Variants in FANCM observed in about 807,000 individuals in gnomAD.
FANCM encodes the protein Fanconi anemia group M protein.
A neutral mutation model predicts 199.5 loss-of-function variants in FANCM; 140 were observed. The observed-to-expected ratio is 0.70, with a 90% CI of 0.61 to 0.81. The LOEUF (loss-of-function observed/expected upper bound fraction) is 0.81. Among genes scored for constraint, FANCM ranks in the 30% least tolerant of loss-of-function variants. The pLI is 0.00. For missense variants in FANCM, 2,410 were observed against 2,421.4 expected, an observed-to-expected ratio of 1.00 and a Z score of 0.10; for synonymous variants, 840 against 836.8, an observed-to-expected ratio of 1.00 and a Z score of -0.07.
chr14:45,146,736 G>C (rs1886414473), intron 3 of FANCM, among the ~76,000 whole-genome samples: 1 of 151,242 alleles, frequency 6.6e-6, no homozygotes, highest in African/African-American at 2.4e-5. Flanking sequence ...GGGAGGCTGA[G>C]GCGCAAGAAT....
At chr14:45,155,724 G>C (rs1319557840) in intron 8 of FANCM, among the ~76,000 whole-genome samples, 1 of 152,178 alleles carries the variant, frequency 6.6e-6, no homozygotes, top group African/African-American at 2.4e-5. Flanking sequence ...GCTTGAACCT[G>C]GGAGGTGAAG....
Position 45,176,813 on chromosome 14 carries a change from A to G in FANCM, c.4059A>G (p.Ile1353Met). Residue 1353 changes from isoleucine (I) to methionine (M), a missense_variant, in exon 14 of 23, where the codon ATA becomes ATG. Ile to Met is a conservative substitution (Grantham distance 10, BLOSUM62 1). Coordinates refer to ENST00000267430, the MANE Select transcript of FANCM (RefSeq NM_020937.4). ...KSNTLNSFSK[I>M]RKEILKTPDS... ...ACACATTGAACTCATTTTCTAAGATAAGAAAGGAAATACTTAAGACACCAG... is the reference window on the plus strand; with the variant it reads ...ACACATTGAACTCATTTTCTAAGATGAGAAAGGAAATACTTAAGACACCAG... 1.2e-6 allele frequency: 2 copies of G among 1,606,702 alleles called. No homozygotes were observed. The highest frequency in any genetic ancestry group is 1.7e-6 in the Non-Finnish European group (2 of 1,176,480).
chr14:45,200,870 A>G lies in FANCM; in HGVS notation c.*862A>G, dbSNP rs1272779278. 6.6e-6 allele frequency: 1 copy of G among 150,422 alleles called. No individual in the cohort carries two copies. The highest frequency in any genetic ancestry group is 1.5e-5 in the Non-Finnish European group (1 of 67,972). 9.3% of individuals were successfully genotyped at this position (150,422 alleles called of 1,614,324 possible). Reference sequence around the variant, plus strand: ...CCATGCAGGACTGTGAGTCAATTAAACATCTTTTCCTTATAAATTACCCAG... The same window carrying G: ...CCATGCAGGACTGTGAGTCAATTAAGCATCTTTTCCTTATAAATTACCCAG... On this transcript the variant is annotated 3_prime_UTR_variant, in exon 23 of 23. Coordinates refer to ENST00000267430, the MANE Select transcript of FANCM (RefSeq NM_020937.4).
intron 13 of FANCM, among the ~76,000 whole-genome samples, chr14:45,174,236 A>C (rs550908865): frequency 6.6e-4 from 101 of 152,246 alleles, no homozygotes; most frequent in African/African-American, 2.4e-3. Context: ...AAAATACAAA[A>C]ATTAGCTGGG....
Position 45,189,358 on chromosome 14 carries a change from A to C in FANCM, c.5336A>C (p.Gln1779Pro), listed in dbSNP as rs1224356264. 5 of 1,606,980 alleles carry C rather than the reference A, an allele frequency of 3.1e-6. No homozygotes were observed. Among genetic ancestry groups the C allele is most frequent in the Non-Finnish European group, 4.3e-6 (5 of 1,173,544 alleles). Residue 1779 changes from glutamine to proline, a missense_variant, in exon 20 of 23, where the codon CAG (glutamine) becomes CCG (proline). Gln to Pro is a moderately conservative substitution (Grantham distance 76, BLOSUM62 -1). Coordinates refer to ENST00000267430, the MANE Select transcript of FANCM (RefSeq NM_020937.4). The stretch of plus-strand genomic sequence containing the variant: ...GACTGTAGAAAATTTCCAGTTCCAC[A>C]GAAGGTATGGATCAAAGAAAGGAAA... ...QKDCRKFPVPQKDGSALEDSS... is the reference protein window; with the variant it reads ...QKDCRKFPVPPKDGSALEDSS...
chr14:45,178,410 G>T (rs890071791), intron 14 of FANCM, among the ~76,000 whole-genome samples: 1 of 152,098 alleles, frequency 6.6e-6, no homozygotes, highest in Non-Finnish European at 1.5e-5. Flanking sequence ...TTCTAGGATT[G>T]TACTTAACTA....
intron 3 of FANCM, among the ~76,000 whole-genome samples, chr14:45,146,892 C>T (rs1886436456): frequency 6.7e-6 from 1 of 148,280 alleles, no homozygotes; most frequent in African/African-American, 2.5e-5. Flanking sequence ...TCTAACTAAG[C>T]TATCTTGTCA....
rs761269508 is a variant in FANCM, at chr14:45,196,462, G to C, written c.5631G>C (p.Lys1877Asn). The C allele has an allele frequency of 5.6e-6, 9 of 1,614,008 alleles. No homozygotes were observed. In the Admixed American group the frequency reaches 1.0e-4, roughly 18 times the overall value. Residue 1877 changes from lysine (K) to asparagine (N), a missense_variant, in exon 21 of 23, where the codon AAG (lysine) becomes AAC (asparagine). By Grantham distance (94) the Lys-to-Asn change is moderately conservative. Transcript: ENST00000267430. ...SQSEMLNSVNKNKFIEQIQHL... is the reference protein window; with the variant it reads ...SQSEMLNSVNNNKFIEQIQHL... ...CTGAGATGTTAAATAGTGTCAATAA[G>C]AACAAGTTCATTGAGCAGATCCAGC...
At chr14:45,164,208 G>C in intron 9 of FANCM, 151 bp from the exon 10 acceptor site, 1 of 689,202 alleles carries the variant, frequency 1.5e-6, no homozygotes, top group South Asian at 1.6e-5. Context: ...TCCTCCCAAA[G>C]TGTTGACATT....
chr14:45,160,073 T>G (rs1029300900), intron 9 of FANCM, among the ~76,000 whole-genome samples: 6 of 149,888 alleles, frequency 4.0e-5, no homozygotes, highest in Admixed American at 6.7e-5. Flanking sequence ...TGATCTTGGC[T>G]CACTGCAACC....
chr14:45,176,222 C>T lies in FANCM; in HGVS notation c.3468C>T (p.Ser1156=), dbSNP rs756947100. 8 of 1,613,994 alleles carry T rather than the reference C, an allele frequency of 5.0e-6. No individual in the cohort carries two copies. The highest frequency in any genetic ancestry group is 1.3e-5 in the African/African-American group (1 of 75,008). ...GTCTTTCACCCTTGAACAGTAAAAG[C>T]GAATCTTTACCTGTGTCAGACAAAA... ...DVSLSPLNSK[S]ESLPVSDKTA... is the part of the protein sequence containing the mutation. Residue 1156 remains serine (S), a synonymous_variant, in exon 14 of 23, where the codon AGC becomes AGT. Coordinates refer to ENST00000267430, the MANE Select transcript of FANCM (RefSeq NM_020937.4).
chr14:45,174,484 A>T (rs1888537703), intron 13 of FANCM, among the ~76,000 whole-genome samples: 1 of 152,002 alleles, frequency 6.6e-6, no homozygotes, highest in African/African-American at 2.4e-5. Flanking sequence ...GAAAGGAGGG[A>T]TGGTGGAGAT....
rs756870111 is a variant in FANCM at position 45,173,160 on chromosome 14, C to A, written c.2266C>A (p.Arg756Ser). ...THQVDHSDRC[R>S]HFIGLMQMIE... ...TCAAGTTGATCACTCAGATCGATGC[C>A]GCCATTTTATAGGCCTTATGCAAAT... The change falls in exon 13 of 23, where the codon CGC becomes AGC. Residue 756 changes from arginine (R) to serine (S), a missense_variant. Coordinates refer to ENST00000267430, the MANE Select transcript of FANCM (RefSeq NM_020937.4). The A allele has an allele frequency of 6.2e-6, 10 of 1,613,592 alleles. No individual in the cohort carries two copies. The highest frequency in any genetic ancestry group is 8.5e-6 in the Non-Finnish European group (10 of 1,179,674).
chr14:45,136,615 C>T lies in FANCM; in HGVS notation c.508+76C>T, dbSNP rs2033385. 118,983 of 1,390,674 alleles carry T rather than the reference C, an allele frequency of 0.086. 10,358 individuals are homozygous for T. The highest frequency in any genetic ancestry group is 0.43 in the African/African-American group (30,494 of 70,832). The allele number at this position is 1,390,674 out of a possible 1,614,324, so 86.1% of individuals were successfully genotyped here. ...ATGTGGAATAGTTCCCAAGCTACAA[C>T]ATGTGCATCTTACGCCCTCCCTCTT... is the stretch of plus-strand genomic sequence containing the variant. On this transcript the variant is annotated intron_variant, in intron 1 of 22. Transcript: ENST00000267430.
chr14:45,187,822 C>T lies in FANCM; in HGVS notation c.4714C>T (p.Pro1572Ser). The T allele has an allele frequency of 6.3e-7, 1 of 1,585,944 alleles. No homozygotes were observed. Among genetic ancestry groups the T allele is most frequent in the Non-Finnish European group, 8.7e-7 (1 of 1,154,652 alleles). ...RAIYMKSLRS[P>S]MMNNKYKMIH... ...TATTTACATGAAATCTTTGCGTAGTCCAATGATGAACAATAAGTACAAAAT... is the reference window on the plus strand; with the variant it reads ...TATTTACATGAAATCTTTGCGTAGTTCAATGATGAACAATAAGTACAAAAT... The change falls in exon 19 of 23, where the codon CCA becomes TCA. Residue 1572 changes from proline (P) to serine (S), a missense_variant. Transcript: ENST00000267430.
At position 45,188,823 on chromosome 14, in the gene FANCM, T is replaced by G. The variant is rs1889571900; in HGVS notation, c.4801T>G (p.Tyr1601Asp). ...GTAGATTCCTGAACAAGATGAAACC[T>G]ATTTAGAGGATAGTTTTTGTGTTGA... ...FSQIPEQDET[Y>D]LEDSFCVDEE... The change falls in exon 20 of 23, where the codon TAT becomes GAT. Residue 1601 changes from tyrosine to aspartate, a missense_variant. By Grantham distance (160) the Tyr-to-Asp change is radical. Coordinates refer to ENST00000267430, the MANE Select transcript of FANCM (RefSeq NM_020937.4). 1 of 1,612,354 alleles carries G rather than the reference T, an allele frequency of 6.2e-7. No individual in the cohort carries two copies. The highest frequency in any genetic ancestry group is 8.5e-7 in the Non-Finnish European group (1 of 1,179,174).
At chr14:45,195,459 G>T (rs1566789455) in intron 20 of FANCM, 1 of 441,592 alleles carries the variant, frequency 2.3e-6, no homozygotes, top group Non-Finnish European at 4.5e-6. Context: ...TATAATAAAC[G>T]TTTAACTGTT....
intron 14 of FANCM, among the ~76,000 whole-genome samples, chr14:45,179,426 A>C (rs938521830): frequency 2.0e-5 from 3 of 152,084 alleles, no homozygotes; most frequent in Non-Finnish European, 2.9e-5. Context: ...AGTTTTCATA[A>C]TCAGCAAATT....
intron 3 of FANCM, among the ~76,000 whole-genome samples, chr14:45,143,517 C>T (rs1346460696): frequency 6.6e-6 from 1 of 151,942 alleles, no homozygotes; most frequent in African/African-American, 2.4e-5. Context: ...TTTCTGACAT[C>T]ATAAGATACA....
Sources: gnomAD v4.1 joint callset for allele counts (sites outside exome capture counted in the v4.1 genomes callset) on GRCh38, gnomAD v4.1.1 for gene constraint, MANE v1.5 for transcripts, NCBI Gene and HGNC (gene_info 2026-07-23, HGNC 2026-07-21) for gene names.